Variants in CLEC17A observed in about 807,000 individuals in gnomAD.
CLEC17A encodes the protein C-type lectin domain containing 17A.
A neutral mutation model predicts 61.3 loss-of-function variants in CLEC17A; 37 were observed. The ratio of observed to expected loss-of-function variants is 0.60; its 90% CI spans 0.46 to 0.79. The LOEUF (loss-of-function observed/expected upper bound fraction) is 0.79. Ranked by LOEUF, CLEC17A falls within the 30% of genes least tolerant of loss-of-function variation. CLEC17A has a pLI of 0.00. For missense variants in CLEC17A, 418 were observed against 464.7 expected (o/e 0.90, Z 0.92); for synonymous variants, 168 against 164.9 (o/e 1.02, Z -0.14).
At chr19:14,594,896 C>G in intron 7 of CLEC17A, 96 bp downstream of exon 7, 2 of 1,218,362 alleles carry the variant, frequency 1.6e-6, no homozygotes, top group Non-Finnish European at 2.3e-6. Flanking sequence ...TTTTTTGAGA[C>G]AGAGTCTCAC....
intron 3 of CLEC17A, among the ~76,000 whole-genome samples, chr19:14,591,956 TCCC>T (rs1568449717): frequency 7.2e-6 from 1 of 139,118 alleles, no homozygotes; most frequent in African/African-American, 2.8e-5. Context: ...TCCAGGGGCT[TCCC>T]CCCAAGATGG....
At chr19:14,581,635 A>G (rs888547146), upstream of CLEC17A, among the ~76,000 whole-genome samples, 3 of 149,840 alleles carry the variant, frequency 2.0e-5, no homozygotes, top group Non-Finnish European at 3.0e-5. Context: ...CCTGGCCAGA[A>G]ATGGATTATA....
Position 14,596,951 on chromosome 19 carries a change from G to T in CLEC17A, c.521G>T (p.Cys174Phe). 6.2e-7 allele frequency: 1 copy of T among 1,608,624 alleles called. No homozygotes were observed. The highest frequency in any genetic ancestry group is 8.5e-7 in the Non-Finnish European group (1 of 1,177,464). Residue 174 changes from cysteine to phenylalanine, a missense_variant, in exon 9 of 14, where the codon TGT becomes TTT. Transcript: ENST00000417570. ...CCQKRWMVYL[C>F]LLVVTSLFLG... ...CAGAAGAGGTGGATGGTGTACCTGT[G>T]TCTGCTGGTGGTGACTTCCCTGTTC... is the stretch of plus-strand genomic sequence containing the variant.
rs1364514601 is a variant in CLEC17A at position 14,595,326 on chromosome 19, T to G, written c.445+11T>G. On this transcript the variant is annotated intron_variant, in intron 8 of 13. Coordinates refer to ENST00000417570, the MANE Select transcript of CLEC17A (RefSeq NM_001204118.2). ...AGCCATCCCTGGCCGGTAAGTGTCCTCCCATTTCCCCTCTGACAGTGGCTA... is the reference window on the plus strand; with the variant it reads ...AGCCATCCCTGGCCGGTAAGTGTCCGCCCATTTCCCCTCTGACAGTGGCTA... The G allele has an allele frequency of 6.2e-7, 1 of 1,613,698 alleles. No individual in the cohort carries two copies. Among genetic ancestry groups the G allele is most frequent in the Non-Finnish European group, 8.5e-7 (1 of 1,179,736 alleles).
intron 3 of CLEC17A, 91 bp from the exon 4 acceptor site, chr19:14,592,190 C>T: frequency 1.5e-6 from 2 of 1,370,958 alleles, no homozygotes; most frequent in Non-Finnish European, 2.0e-6. Flanking sequence ...GTACAGAATC[C>T]CCATCATGGG....
Position 14,583,436 on chromosome 19 carries a change from T to C in CLEC17A, c.121+2T>C. 6.2e-7 allele frequency: 1 copy of C among 1,612,428 alleles called. No individual in the cohort carries two copies. Among genetic ancestry groups the C allele is most frequent in the Non-Finnish European group, 8.5e-7 (1 of 1,179,206 alleles). On this transcript the variant is annotated splice_donor_variant, in intron 2 of 13. Transcript: ENST00000417570. LOFTEE classifies it high-confidence loss of function. ...ACAAGGACCTTCCTCCCAAGCCAGG[T>C]AAGAGGACTTTTTGGAGTGTGACCT...
At chr19:14,607,180 T>A in intron 13 of CLEC17A, 78 bp downstream of exon 13, 1 of 560,720 alleles carries the variant, frequency 1.8e-6, no homozygotes, top group Non-Finnish European at 2.6e-6. Context: ...GGTGATGGAG[T>A]ACATGGTTGA....
rs760753767 is a variant in CLEC17A, at chr19:14,592,289, G to A, written c.208G>A (p.Glu70Lys). ...TGCCTTTCCCCTGGAAGGGACCATG[G>A]AGGAGGAGGAGGAGGATGATGACTA... Reference protein sequence around the residue: ...KDLPPKPGTMEEEEEDDDYEN... With the variant: ...KDLPPKPGTMKEEEEDDDYEN... Residue 70 changes from glutamate to lysine, a missense_variant, in exon 4 of 14, where the codon GAG becomes AAG. Coordinates refer to ENST00000417570, the MANE Select transcript of CLEC17A (RefSeq NM_001204118.2). The A allele has an allele frequency of 6.3e-7, 1 of 1,582,262 alleles. No individual in the cohort carries two copies. Among genetic ancestry groups the A allele is most frequent in the Admixed American group, 1.8e-5 (1 of 55,554 alleles).
At chr19:14,586,476 G>A (rs1220164062) in intron 2 of CLEC17A, among the ~76,000 whole-genome samples, 6 of 151,862 alleles carry the variant, frequency 4.0e-5, no homozygotes, top group Non-Finnish European at 8.8e-5. Context: ...AGGCTGGAGT[G>A]TAGTAGTGCA....
chr19:14,599,605 G>T, intron 10 of CLEC17A, 112 bp from the exon 11 acceptor site: 1 of 777,374 alleles, frequency 1.3e-6, no homozygotes, highest in Non-Finnish European at 2.3e-6. Flanking sequence ...CTGGAATGTG[G>T]ACACAGTGGG....
At chr19:14,600,718 A>G (rs1440271063) in intron 12 of CLEC17A, among the ~76,000 whole-genome samples, 2 of 149,946 alleles carry the variant, frequency 1.3e-5, no homozygotes, top group Non-Finnish European at 3.0e-5. Flanking sequence ...AGTAGCTGGG[A>G]CTACAGGTGC....
At chr19:14,596,094 G>A (rs2074545746) in intron 8 of CLEC17A, among the ~76,000 whole-genome samples, 1 of 3,674 alleles carries the variant, frequency 2.7e-4, no homozygotes, top group African/African-American at 1.7e-3. Flanking sequence ...CAGAAACTCA[G>A]GTATCTGCTT....
chr19:14,596,878 A>G lies in CLEC17A; in HGVS notation c.448A>G (p.Thr150Ala). 6.2e-7 allele frequency: 1 copy of G among 1,608,272 alleles called. No individual in the cohort carries two copies. ...PSPLQPSLAA[T>A]PVPWLNQRSG... ...CTGTTCCCATCCCCACTCCCCAGCAACTCCAGTCCCCTGGCTCAATCAGAG... is the reference window on the plus strand; with the variant it reads ...CTGTTCCCATCCCCACTCCCCAGCAGCTCCAGTCCCCTGGCTCAATCAGAG... Residue 150 changes from threonine (T) to alanine (A), a missense_variant and splice_region_variant, in exon 9 of 14, where the codon ACT (threonine) becomes GCT (alanine). By Grantham distance (58) the Thr-to-Ala change is moderately conservative (BLOSUM62 0). Transcript: ENST00000417570.
chr19:14,595,117 C>A (rs555926374), intron 7 of CLEC17A, among the ~76,000 whole-genome samples, 157 bp from the exon 8 acceptor site: 3 of 152,350 alleles, frequency 2.0e-5, no homozygotes, highest in African/African-American at 7.2e-5. Context: ...GGTGATCCAC[C>A]CGCCTCAGCC....
Position 14,600,185 on chromosome 19 carries a change from G to C in CLEC17A, c.894+3G>C. On this transcript the variant is annotated splice_donor_region_variant and intron_variant, in intron 12 of 13. Transcript: ENST00000417570. The stretch of plus-strand genomic sequence containing the variant: ...TCATCAATAGCTTTGCTGAGCACGT[G>C]AGTTCTTCCCACTGAACCTTTGAGA... The C allele has an allele frequency of 3.1e-6, 5 of 1,613,858 alleles. No homozygotes were observed. Among genetic ancestry groups the C allele is most frequent in the Non-Finnish European group, 3.4e-6 (4 of 1,179,754 alleles).
intron 4 of CLEC17A, among the ~76,000 whole-genome samples, chr19:14,593,987 AC>A (rs202081107): frequency 0.035 from 5,198 of 146,806 alleles, 314 homozygotes; most frequent in African/African-American, 0.13. Flanking sequence ...AAACAAACAA[AC>A]AAACAAAAAC....
chr19:14,602,390 A>C lies in CLEC17A; in HGVS notation c.894+2208A>C, dbSNP rs377072241. On this transcript the variant is annotated intron_variant, in intron 12 of 13. Coordinates refer to ENST00000417570, the MANE Select transcript of CLEC17A (RefSeq NM_001204118.2). ...TGGCAGCCTTGGCCTCCTGGGCTCAAGTGATTATCCCACCTCAGCTCCCCA... is the reference window on the plus strand; with the variant it reads ...TGGCAGCCTTGGCCTCCTGGGCTCACGTGATTATCCCACCTCAGCTCCCCA... Among the ~76,000 whole-genome samples the C allele has an allele frequency of 5.9e-5, 9 of 152,156 alleles. No individual in the cohort carries two copies. In the East Asian group the frequency reaches 1.2e-3, roughly 20 times the overall value.
chr19:14,587,550 C>G, intron 2 of CLEC17A, 64 bp from the exon 3 acceptor site: 1 of 1,491,932 alleles, frequency 6.7e-7, no homozygotes. Context: ...GAGGCAGAGA[C>G]CAGGGCTTGA....
upstream of CLEC17A, chr19:14,583,023 C>A: frequency 1.2e-6 from 1 of 825,498 alleles, no homozygotes; most frequent in Non-Finnish European, 2.0e-6. Flanking sequence ...TGAGGGCTTC[C>A]TGTCAAAATG....
Sources: allele counts gnomAD v4.1 joint callset (sites outside exome capture counted in the v4.1 genomes callset), GRCh38; gene constraint gnomAD v4.1.1; transcripts MANE v1.5; gene names NCBI Gene and HGNC (gene_info 2026-07-23, HGNC 2026-07-21).